The following JAK2 variants were observed in gnomAD, a reference collection of about 807,000 sequenced individuals.
JAK2 encodes tyrosine-protein kinase JAK2.
A neutral mutation model predicts 139.3 loss-of-function variants in JAK2; 86 were observed. The ratio of observed to expected loss-of-function variants is 0.62; its 90% CI spans 0.52 to 0.74. JAK2 has a LOEUF of 0.74. JAK2 is among the 30% of genes least tolerant of loss of function. The pLI is 0.00. For synonymous variants in JAK2, 490 were observed against 437.7 expected, an observed-to-expected ratio of 1.12 and a Z score of -1.49; for missense variants, 1,421 against 1,360.3, an observed-to-expected ratio of 1.04 and a Z score of -0.70.
rs1817641117 is a variant in JAK2 at position 5,054,687 on chromosome 9, G to A, written c.739G>A (p.Ala247Thr). 6.2e-7 allele frequency: 1 copy of A among 1,613,246 alleles called. No individual in the cohort carries two copies. Among genetic ancestry groups the A allele is most frequent in the African/African-American group, 1.3e-5 (1 of 74,854 alleles). ...IQQFSQCKATARNLKLKYLIN... is the reference protein window; with the variant it reads ...IQQFSQCKATTRNLKLKYLIN... ...GCAATTCAGCCAATGCAAAGCCACTGCCAGAAACTTGAAACTTAAGTATCT... is the reference window on the plus strand; with the variant it reads ...GCAATTCAGCCAATGCAAAGCCACTACCAGAAACTTGAAACTTAAGTATCT... The change falls in exon 7 of 25, where the codon GCC (alanine) becomes ACC (threonine). Residue 247 changes from alanine (A) to threonine (T), a missense_variant. Coordinates refer to ENST00000381652, the MANE Select transcript of JAK2 (RefSeq NM_004972.4). The surrounding 1 kb of genome is among the most constrained non-coding windows in gnomAD (Gnocchi z 4.9).
chr9:5,026,033 C>A (rs925664546), intron 3 of JAK2, among the ~76,000 whole-genome samples: 9 of 152,090 alleles, frequency 5.9e-5, no homozygotes, highest in Non-Finnish European at 1.0e-4. Context: ...TTATCCTTGA[C>A]AAAGATCTAT....
At chr9:5,114,711 T>G (rs556622771) in intron 22 of JAK2, 1 of 388,320 alleles carries the variant, frequency 2.6e-6, no homozygotes, top group Non-Finnish European at 5.0e-6. Context: ...CAGGGCTGAA[T>G]GGGAACAGAA....
intron 2 of JAK2, among the ~76,000 whole-genome samples, chr9:4,995,084 C>A (rs1158921800): frequency 6.6e-6 from 1 of 152,152 alleles, no homozygotes; most frequent in Non-Finnish European, 1.5e-5. Context: ...CCTTTACTAA[C>A]ATTGTGTTTT....
chr9:5,064,960 T>A lies in JAK2; in HGVS notation c.1134T>A (p.Asp378Glu), dbSNP rs1175574633. 1 of 1,606,578 alleles carries A rather than the reference T, an allele frequency of 6.2e-7. No individual in the cohort carries two copies. The highest frequency in any genetic ancestry group is 8.5e-7 in the Non-Finnish European group (1 of 1,174,680). The change falls in exon 9 of 25, where the codon GAT (aspartate) becomes GAA (glutamate). Residue 378 changes from aspartate to glutamate, a missense_variant. Asp to Glu is a conservative substitution (Grantham distance 45). Coordinates refer to ENST00000381652, the MANE Select transcript of JAK2 (RefSeq NM_004972.4). The part of the protein sequence containing the change: ...LIDGYYRLTA[D>E]AHHYLCKEVA... ...ATGGATATTATAGATTAACTGCAGA[T>A]GCACATCATTACCTCTGTAAAGAAG...
Position 5,078,424 on chromosome 9 carries a change from T to C in JAK2, c.2111T>C (p.Ile704Thr). The change falls in exon 16 of 25, where the codon ATT becomes ACT. Residue 704 changes from isoleucine (I) to threonine (T), a missense_variant. Physicochemically the swap from Ile to Thr is moderately conservative, Grantham distance 89 (BLOSUM62 -1). Transcript: ENST00000381652. ...FIKLSDPGIS[I>T]TVLPKDILQE... ...AAACTTAGTGATCCTGGCATTAGTA[T>C]TACAGTTTTGCCAAAGGACAGTAAG... The C allele has an allele frequency of 1.9e-6, 3 of 1,612,826 alleles. No individual in the cohort carries two copies. The highest frequency in any genetic ancestry group is 2.5e-6 in the Non-Finnish European group (3 of 1,179,208).
chr9:5,114,242 C>T, intron 22 of JAK2: 1 of 531,288 alleles, frequency 1.9e-6, no homozygotes, highest in Non-Finnish European at 3.7e-6. Context: ...GCAAGTTGCC[C>T]ACAATCACCT....
intron 2 of JAK2, among the ~76,000 whole-genome samples, chr9:5,013,635 C>A (rs1821851529): frequency 6.6e-6 from 1 of 152,102 alleles, no homozygotes; most frequent in South Asian, 2.1e-4. Flanking sequence ...CCAATAATGC[C>A]CTGTTTTTCA....
intron 22 of JAK2, among the ~76,000 whole-genome samples, chr9:5,115,594 A>G (rs548113412): frequency 2.0e-5 from 3 of 152,346 alleles, no homozygotes; most frequent in Non-Finnish European, 2.9e-5. Context: ...TCATTCTACT[A>G]TAAAGACACA....
At position 5,080,236 on chromosome 9, in the gene JAK2, G is replaced by A; in HGVS notation, c.2139G>A (p.Gln713=). ...SITVLPKDIL[Q]ERIPWVPPEC... ...GTTCGTATCATTTAAAAGTTCTTCA[G>A]GAGAGAATACCATGGGTACCACCTG... The change falls in exon 17 of 25, where the codon CAG becomes CAA. Residue 713 remains glutamine, a synonymous_variant. Coordinates refer to ENST00000381652, the MANE Select transcript of JAK2 (RefSeq NM_004972.4). 2 of 1,610,704 alleles carry A rather than the reference G, an allele frequency of 1.2e-6. No homozygotes were observed. Among genetic ancestry groups the A allele is most frequent in the Non-Finnish European group, 1.7e-6 (2 of 1,178,180 alleles).
chr9:5,097,265 C>T (rs561074726), intron 22 of JAK2: 15 of 152,306 alleles, frequency 9.8e-5, no homozygotes, highest in Admixed American at 2.0e-4. Context: ...CAGTCCTAGC[C>T]GCTGGCATTA....
At chr9:5,080,746 A>G in intron 18 of JAK2, 63 bp downstream of exon 18, 1 of 1,257,866 alleles carries the variant, frequency 7.9e-7, no homozygotes, top group Non-Finnish European at 1.1e-6. Context: ...TTAATGAATC[A>G]TTACTAATTT....
At chr9:5,031,696 A>T (rs1031485070) in intron 4 of JAK2, among the ~76,000 whole-genome samples, 1 of 152,254 alleles carries the variant, frequency 6.6e-6, no homozygotes, top group Admixed American at 6.5e-5. Flanking sequence ...AGAAAAAATC[A>T]TATGGGAATG....
chr9:5,077,133 T>G (rs1466009724), intron 14 of JAK2, among the ~76,000 whole-genome samples: 2 of 151,538 alleles, frequency 1.3e-5, no homozygotes, highest in Non-Finnish European at 2.9e-5. Context: ...GAAGAGAAAT[T>G]GAGAAATTTT....
chr9:5,044,594 G>T (rs1816863991), intron 5 of JAK2, 74 bp downstream of exon 5: 3 of 944,572 alleles, frequency 3.2e-6, no homozygotes, highest in African/African-American at 3.3e-5. Context: ...CACTTAATCA[G>T]GAAAAACTTT....
At chr9:5,036,028 C>T (rs1034614657) in intron 4 of JAK2, among the ~76,000 whole-genome samples, 1 of 152,212 alleles carries the variant, frequency 6.6e-6, no homozygotes, top group Non-Finnish European at 1.5e-5. Context: ...GCAACTTCAG[C>T]AAAGTCTCAG....
chr9:5,066,759 T>C lies in JAK2; in HGVS notation c.1296T>C (p.Phe432=). 1 of 1,563,824 alleles carries C rather than the reference T, an allele frequency of 6.4e-7. No individual in the cohort carries two copies. The highest frequency in any genetic ancestry group is 8.6e-7 in the Non-Finnish European group (1 of 1,157,516). Residue 432 remains phenylalanine, a synonymous_variant, in exon 10 of 25, where the codon TTT becomes TTC. Transcript: ENST00000381652. The part of the protein sequence containing the change: ...LYVLRCSPKD[F]NKYFLTFAVE... ...TACTTCGATGCAGTCCTAAGGACTT[T>C]AATAAATATTTTTTGACTTTTGCTG...
chr9:5,086,224 C>G, intron 19 of JAK2: 3 of 609,368 alleles, frequency 4.9e-6, no homozygotes, highest in Non-Finnish European at 6.3e-6. Context: ...AGGCCACGGT[C>G]GGAGTCTGAA....
At chr9:4,994,172 T>G (rs1182137726) in intron 2 of JAK2, among the ~76,000 whole-genome samples, 2 of 152,216 alleles carry the variant, frequency 1.3e-5, no homozygotes, top group Non-Finnish European at 2.9e-5. Flanking sequence ...TACTTAGAAG[T>G]TTGATGATGT....
chr9:5,007,261 A>G (rs183877554), intron 2 of JAK2, among the ~76,000 whole-genome samples: 2 of 152,142 alleles, frequency 1.3e-5, no homozygotes, highest in Admixed American at 6.5e-5. Context: ...ATATCTTAGT[A>G]TACACTTTTA....
Sources: gnomAD v4.1 joint callset for allele counts (sites outside exome capture counted in the v4.1 genomes callset) on GRCh38, gnomAD v4.1.1 for gene constraint, Gnocchi (gnomAD v3.1) non-coding constraint, MANE v1.5 for transcripts, NCBI Gene and HGNC (gene_info 2026-07-23, HGNC 2026-07-21) for gene names.